The following HGD variants were observed in gnomAD, a reference collection of about 807,000 sequenced individuals.
HGD encodes homogentisate 1,2-dioxygenase, also known as homogentisate oxidase.
A neutral mutation model predicts 60.8 loss-of-function variants in HGD; 61 were observed. The observed-to-expected ratio is 1.00, with a 90% CI of 0.82 to 1.24. The LOEUF (loss-of-function observed/expected upper bound fraction) is 1.24. Among genes scored for constraint, HGD ranks in the 50% most tolerant of loss-of-function variants. The pLI is 0.00. For synonymous variants in HGD, 212 were observed against 187.7 expected, an observed-to-expected ratio of 1.13 and a Z score of -1.06; for missense variants, 542 against 547.1, an observed-to-expected ratio of 0.99 and a Z score of 0.09.
chr3:120,648,422 C>T (rs1433871944), intron 6 of HGD, among the ~76,000 whole-genome samples: 1 of 152,202 alleles, frequency 6.6e-6, no homozygotes, highest in Non-Finnish European at 1.5e-5. Context: ...AGAGAGGCCT[C>T]CAGAGCCTTG....
At chr3:120,655,591 C>T (rs1485783398) in intron 4 of HGD, among the ~76,000 whole-genome samples, 1 of 152,074 alleles carries the variant, frequency 6.6e-6, no homozygotes, top group East Asian at 1.9e-4. Flanking sequence ...TGGTCAGGAG[C>T]GCTGATGTGA....
intron 10 of HGD, 142 bp from the exon 11 acceptor site, chr3:120,641,835 T>C (rs1383935188): frequency 1.4e-6 from 1 of 699,146 alleles, no homozygotes; most frequent in African/African-American, 1.7e-5. Context: ...TTGGGAGAAG[T>C]ATAACCCTGA....
chr3:120,657,415 G>C (rs1360004786), intron 4 of HGD, among the ~76,000 whole-genome samples: 1 of 152,136 alleles, frequency 6.6e-6, no homozygotes, highest in Non-Finnish European at 1.5e-5. Flanking sequence ...GATGATCCAA[G>C]TATCCCTTTC....
chr3:120,634,821 C>T (rs1185957984), intron 12 of HGD, among the ~76,000 whole-genome samples: 1 of 152,206 alleles, frequency 6.6e-6, no homozygotes, highest in Non-Finnish European at 1.5e-5. Flanking sequence ...AAACAGAAAG[C>T]TACTGCAGGC....
At chr3:120,642,748 A>AC (rs1171194647) in intron 10 of HGD, among the ~76,000 whole-genome samples, 7 of 152,200 alleles carry the variant, frequency 4.6e-5, no homozygotes, top group African/African-American at 1.7e-4. Context: ...ACTGTCAGAA[A>AC]CACAGTCCTA....
At chr3:120,666,224 A>G (rs1271109847) in intron 4 of HGD, among the ~76,000 whole-genome samples, 1 of 152,192 alleles carries the variant, frequency 6.6e-6, no homozygotes, top group East Asian at 1.9e-4. Flanking sequence ...TCTGAGGCAC[A>G]TCTCTCCCAG....
intron 12 of HGD, among the ~76,000 whole-genome samples, chr3:120,637,055 A>G (rs918607607): frequency 3.2e-4 from 48 of 152,208 alleles, no homozygotes; most frequent in African/African-American, 1.1e-3. Flanking sequence ...GCTATTGCAC[A>G]ATTAAAAATG....
intron 4 of HGD, among the ~76,000 whole-genome samples, chr3:120,664,796 A>G (rs577923840): frequency 6.6e-6 from 1 of 152,260 alleles, no homozygotes; most frequent in Non-Finnish European, 1.5e-5. Flanking sequence ...TTATTTACAT[A>G]TATGTACAAA....
Position 120,655,927 on chromosome 3 carries a change from G to A in HGD, c.283-3276C>T, listed in dbSNP as rs868311057. 2.0e-5 allele frequency among the ~76,000 whole-genome samples: 3 copies of A among 152,308 alleles called. No homozygotes were observed. The South Asian group carries it at 6.2e-4, about 32-fold the overall frequency. On this transcript the variant is annotated intron_variant, in intron 4 of 13. Transcript: ENST00000283871. ...GAGGAGAAACTCTGAAAGAAGTAAA[G>A]GATGCTTGCTGACTGATTTAGTCCT...
intron 3 of HGD, 68 bp from the exon 4 acceptor site, chr3:120,670,600 C>G (rs1024801099): frequency 1.1e-6 from 1 of 888,940 alleles, no homozygotes; most frequent in African/African-American, 1.6e-5. Context: ...CAGAATGGCT[C>G]AGGCAGTACC....
In HGD at chr3:120,652,525, A is replaced by G. The variant is rs1576300997; in HGVS notation, c.342+67T>C. ...GCTTCTGCTTGGCATTCAGGCTGCA[A>G]ATGGTTGGCTCACTCACCACAGAAG... On this transcript the variant is annotated intron_variant, in intron 5 of 13. Coordinates refer to ENST00000283871, the MANE Select transcript of HGD (RefSeq NM_000187.4). 10 of 1,214,698 alleles carry G rather than the reference A, an allele frequency of 8.2e-6. No individual in the cohort carries two copies. The East Asian group carries it at 1.4e-4, about 17-fold the overall frequency. 75.2% of individuals were successfully genotyped at this position (1,214,698 alleles called of 1,614,324 possible). A position where few individuals can be genotyped will look rare whatever the true frequency, so the allele number is the denominator to read the frequency against.
At chr3:120,638,942 A>T (rs1940878229) in intron 11 of HGD, among the ~76,000 whole-genome samples, 1 of 152,132 alleles carries the variant, frequency 6.6e-6, no homozygotes, top group African/African-American at 2.4e-5. Flanking sequence ...TAAGTCTCAC[A>T]AGATCTGATG....
chr3:120,650,022 G>A (rs969397372), intron 6 of HGD, among the ~76,000 whole-genome samples: 1 of 152,150 alleles, frequency 6.6e-6, no homozygotes, highest in Non-Finnish European at 1.5e-5. Flanking sequence ...AAGGAGAAAG[G>A]TGCCTCTACT....
chr3:120,675,075 G>T, intron 2 of HGD, 86 bp from the exon 3 acceptor site: 2 of 882,728 alleles, frequency 2.3e-6, no homozygotes, highest in Non-Finnish European at 3.8e-6. Context: ...GGGGGATGGG[G>T]ATGCTCTGGG....
intron 6 of HGD, among the ~76,000 whole-genome samples, chr3:120,649,783 A>G (rs1055383477): frequency 3.3e-5 from 5 of 152,176 alleles, no homozygotes; most frequent in Admixed American, 6.5e-5. Context: ...GGAAATACAT[A>G]TAAGAGCTGA....
intron 1 of HGD, among the ~76,000 whole-genome samples, chr3:120,681,678 G>A (rs1226073622): frequency 6.6e-6 from 1 of 152,192 alleles, no homozygotes; most frequent in African/African-American, 2.4e-5. Flanking sequence ...GCCAAGGGCT[G>A]ATTCAGAGCC....
chr3:120,647,341 C>A (rs139804902), intron 7 of HGD, among the ~76,000 whole-genome samples: 1 of 152,122 alleles, frequency 6.6e-6, no homozygotes, highest in African/African-American at 2.4e-5. Flanking sequence ...GATGGAAAAT[C>A]ACCCATTTCT....
intron 1 of HGD, chr3:120,677,977 C>G (rs1372067442): frequency 6.6e-6 from 1 of 152,170 alleles, no homozygotes; most frequent in Non-Finnish European, 1.5e-5. Context: ...GAGTGATGAT[C>G]AGGCCAACAA....
At chr3:120,639,672 G>A (rs1041275461) in intron 11 of HGD, among the ~76,000 whole-genome samples, 4 of 152,224 alleles carry the variant, frequency 2.6e-5, no homozygotes, top group Admixed American at 1.3e-4. Context: ...CAAAATCCAA[G>A]TTTTGGTGTA....
Sources: allele counts gnomAD v4.1 joint callset (sites outside exome capture counted in the v4.1 genomes callset), GRCh38; gene constraint gnomAD v4.1.1; transcripts MANE v1.5; gene names NCBI Gene and HGNC (gene_info 2026-07-23, HGNC 2026-07-21).